CYP4A22: variants seen among roughly 807,000 people sequenced by gnomAD.
CYP4A22 encodes the protein cytochrome P450 4A22.
A neutral mutation model predicts 56.2 loss-of-function variants in CYP4A22; 46 were observed. That is an observed-to-expected ratio of 0.82 (90% CI 0.65 to 1.05). The LOEUF is 1.05. Ranked by LOEUF, CYP4A22 falls within the 50% of genes least tolerant of loss-of-function variation. CYP4A22 has a pLI of 0.00. For synonymous variants in CYP4A22, 193 were observed against 251.1 expected (o/e 0.77, Z 2.19); for missense variants, 541 against 645.9 (o/e 0.84, Z 1.76).
intron 1 of CYP4A22, among the ~76,000 whole-genome samples, chr1:47,139,738 T>C (rs183200169): frequency 6.6e-6 from 1 of 152,324 alleles, no homozygotes; most frequent in Admixed American, 6.5e-5. Flanking sequence ...ACTTATGTGG[T>C]AGACAGTTGC....
rs1451637434 is a variant in CYP4A22 at position 47,144,831 on chromosome 1, T to C, written c.1089-6T>C. 1 of 1,613,496 alleles carries C rather than the reference T, an allele frequency of 6.2e-7. No homozygotes were observed. Among genetic ancestry groups the C allele is most frequent in the South Asian group, 1.1e-5 (1 of 90,990 alleles). On this transcript the variant is annotated splice_region_variant and splice_polypyrimidine_tract_variant and intron_variant, in intron 8 of 11. Transcript: ENST00000371891. ...CTTGCTGGTGTTCAGGATGGAATTGTTTCAGGAACCACCTGGACCAGATGC... is the reference window on the plus strand; with the variant it reads ...CTTGCTGGTGTTCAGGATGGAATTGCTTCAGGAACCACCTGGACCAGATGC...
chr1:47,145,115 G>T, intron 9 of CYP4A22, 145 bp downstream of exon 9: 3 of 1,399,840 alleles, frequency 2.1e-6, no homozygotes, highest in Non-Finnish European at 2.8e-6. Context: ...TATTTAGGAT[G>T]AATTTGAAAA....
chr1:47,144,764 G>T (rs147000658), intron 8 of CYP4A22, 24 bp downstream of exon 8: 73 of 1,608,112 alleles, frequency 4.5e-5, no homozygotes, highest in Non-Finnish European at 5.9e-5. Context: ...CAAAAGATGG[G>T]GTTCCCTGCC....
chr1:47,143,576 C>T (rs1255851009), intron 5 of CYP4A22, among the ~76,000 whole-genome samples, 183 bp downstream of exon 5: 1 of 152,170 alleles, frequency 6.6e-6, no homozygotes, highest in East Asian at 1.9e-4. Context: ...ATTCCTAGCA[C>T]AGGTGGACCC....
intron 1 of CYP4A22, among the ~76,000 whole-genome samples, chr1:47,138,272 A>C (rs778995776): frequency 6.6e-6 from 1 of 152,196 alleles, no homozygotes; most frequent in Non-Finnish European, 1.5e-5. Context: ...AATTTCCACA[A>C]CAGGTGATTT....
intron 1 of CYP4A22, among the ~76,000 whole-genome samples, chr1:47,138,235 C>G (rs2148552219): frequency 6.6e-6 from 1 of 152,274 alleles, no homozygotes; most frequent in South Asian, 2.1e-4. Context: ...GACCAACTGG[C>G]TAAGTAAGTT....
chr1:47,148,210 C>T (rs1172706531), intron 11 of CYP4A22, among the ~76,000 whole-genome samples: 1 of 152,224 alleles, frequency 6.6e-6, no homozygotes, highest in Non-Finnish European at 1.5e-5. Flanking sequence ...CACCCTCACC[C>T]TACAGGACCT....
rs183824524 is a variant in CYP4A22, at chr1:47,140,930, G to A, written c.337+9G>A. The A allele has an allele frequency of 1.6e-4, 261 of 1,613,194 alleles. 2 individuals carry two copies. Among genetic ancestry groups the A allele is most frequent in the Admixed American group, 1.0e-4 (6 of 59,978 alleles). ...GATTCTGGGGAGATCAGGTGAGATC[G>A]AACCCCCATCCCAACTGCAATTTCT... On this transcript the variant is annotated intron_variant, in intron 2 of 11. Transcript: ENST00000371891.
chr1:47,146,067 C>G lies in CYP4A22; in HGVS notation c.1288-10C>G. 6 of 1,614,198 alleles carry G rather than the reference C, an allele frequency of 3.7e-6. No homozygotes were observed. The highest frequency in any genetic ancestry group is 5.1e-6 in the Non-Finnish European group (6 of 1,180,024). ...CCTTAACTATCCTGGCTCTGGTGCT[C>G]TCTCTGCAGGTGTTTGACCCTTCCC... On this transcript the variant is annotated splice_polypyrimidine_tract_variant and intron_variant, in intron 10 of 11. Coordinates refer to ENST00000371891, the MANE Select transcript of CYP4A22 (RefSeq NM_001010969.4).
At chr1:47,146,211 C>T in intron 11 of CYP4A22, 58 bp downstream of exon 11, 2 of 1,613,104 alleles carry the variant, frequency 1.2e-6, no homozygotes, top group Non-Finnish European at 8.5e-7. Flanking sequence ...CTGGTCAACC[C>T]TCTGATCTTT....
Position 47,140,896 on chromosome 1 carries a change from T to C in CYP4A22, c.312T>C (p.Tyr104=). 2 of 1,614,088 alleles carry C rather than the reference T, an allele frequency of 1.2e-6. No homozygotes were observed. The highest frequency in any genetic ancestry group is 1.7e-6 in the Non-Finnish European group (2 of 1,179,996). ...KVRVQLYDPD[Y]MKVILGRSDP... is the part of the protein sequence containing the mutation. ...GTGTCCAGCTCTATGACCCTGACTATATGAAGGTGATTCTGGGGAGATCAG... is the reference window on the plus strand; with the variant it reads ...GTGTCCAGCTCTATGACCCTGACTACATGAAGGTGATTCTGGGGAGATCAG... Residue 104 remains tyrosine (Y), a synonymous_variant, in exon 2 of 12, where the codon TAT becomes TAC. Transcript: ENST00000371891.
At chr1:47,140,361 T>C (rs1331865019) in intron 1 of CYP4A22, among the ~76,000 whole-genome samples, 2 of 152,224 alleles carry the variant, frequency 1.3e-5, no homozygotes, top group Non-Finnish European at 2.9e-5. Flanking sequence ...TCTGGGACAA[T>C]ATTGAAAATA....
Position 47,148,714 on chromosome 1 carries a change from C to A in CYP4A22, c.1477C>A (p.Arg493=), listed in dbSNP as rs762274692. 1.4e-5 allele frequency: 23 copies of A among 1,613,956 alleles called. No homozygotes were observed. The highest frequency in any genetic ancestry group is 1.9e-5 in the Non-Finnish European group (23 of 1,179,966). The change falls in exon 12 of 12, where the codon CGA becomes AGA. Residue 493 remains arginine (R), a synonymous_variant. Transcript: ENST00000371891. ...DPTRIPIPMA[R]LVLKSKNGIH... is the part of the protein sequence containing the mutation. Reference sequence around the variant, plus strand: ...CACCAGGATCCCCATCCCCATGGCACGACTTGTGTTGAAATCCAAAAATGG... The same window carrying A: ...CACCAGGATCCCCATCCCCATGGCAAGACTTGTGTTGAAATCCAAAAATGG...
Position 47,140,793 on chromosome 1 carries a change from A to G in CYP4A22, c.209A>G (p.Gln70Arg), listed in dbSNP as rs764578626. 5.0e-6 allele frequency: 8 copies of G among 1,614,078 alleles called. No homozygotes were observed. In the African/African-American group the frequency reaches 8.0e-5, roughly 16 times the overall value. The change falls in exon 2 of 12, where the codon CAG (glutamine) becomes CGG (arginine). Residue 70 changes from glutamine to arginine, a missense_variant. By Grantham distance (43) the Gln-to-Arg change is conservative. Around this residue, in one of 3 missense-constraint regions of CYP4A22, gnomAD observed 335 missense variants for 361.2 expected, o/e 0.93. Transcript: ENST00000371891. ...CCTCGTTGACAGTTCCAACACGACCAGGAGCTACAACGGATTCAGGAACGG... is the reference window on the plus strand; with the variant it reads ...CCTCGTTGACAGTTCCAACACGACCGGGAGCTACAACGGATTCAGGAACGG... The part of the protein sequence containing the change: ...FGHIQEFQHD[Q>R]ELQRIQERVK...
At chr1:47,146,780 G>A in intron 11 of CYP4A22, 1 of 987,710 alleles carries the variant, frequency 1.0e-6, no homozygotes, top group Non-Finnish European at 1.2e-6. Context: ...TCATTATATA[G>A]TGTTCACATA....
At chr1:47,137,998 C>T (rs548537305) in intron 1 of CYP4A22, among the ~76,000 whole-genome samples, 1 of 152,270 alleles carries the variant, frequency 6.6e-6, no homozygotes, top group African/African-American at 2.4e-5. Flanking sequence ...TGGCTTTTCT[C>T]AAAGAACAAG....
chr1:47,141,984 T>C, intron 3 of CYP4A22, 124 bp from the exon 4 acceptor site: 3 of 1,397,452 alleles, frequency 2.1e-6, no homozygotes, highest in South Asian at 3.0e-5. Flanking sequence ...GCCCATGATG[T>C]GGCTTCTTCT....
Position 47,143,827 on chromosome 1 carries a change from A to G in CYP4A22, c.701A>G (p.Asn234Ser), listed in dbSNP as rs765059748. 1 of 1,614,146 alleles carries G rather than the reference A, an allele frequency of 6.2e-7. No individual in the cohort carries two copies. The highest frequency in any genetic ancestry group is 1.1e-5 in the South Asian group (1 of 91,078). ...LNSLVFCCMR[N>S]AFHENDTIYS... is the part of the protein sequence containing the mutation. Reference sequence around the variant, plus strand: ...AGCCTGGTTTTTTGCTGTATGAGGAATGCCTTTCATGAGAATGACACCATC... The same window carrying G: ...AGCCTGGTTTTTTGCTGTATGAGGAGTGCCTTTCATGAGAATGACACCATC... Residue 234 changes from asparagine (N) to serine (S), a missense_variant, in exon 6 of 12, where the codon AAT (asparagine) becomes AGT (serine). Coordinates refer to ENST00000371891, the MANE Select transcript of CYP4A22 (RefSeq NM_001010969.4).
chr1:47,138,492 G>A lies in CYP4A22; in HGVS notation c.195+812G>A, dbSNP rs74911593. On this transcript the variant is annotated intron_variant, in intron 1 of 11. Transcript: ENST00000371891. ...CGGCAATCAGCAAAATCCTGGCACA[G>A]CTTGATGGTCAGCTCAGGTGAATAG... is the stretch of plus-strand genomic sequence containing the variant. 4.7e-3 allele frequency among the ~76,000 whole-genome samples: 723 copies of A among 152,306 alleles called. 12 individuals are homozygous for A. The highest frequency in any genetic ancestry group is 0.044 in the East Asian group (229 of 5,176).
Sources: allele counts gnomAD v4.1 joint callset (sites outside exome capture counted in the v4.1 genomes callset), GRCh38; gene constraint gnomAD v4.1.1; regional missense constraint gnomAD v4.1.1; transcripts MANE v1.5; gene names NCBI Gene and HGNC (gene_info 2026-07-23, HGNC 2026-07-21).